NALF1: variants seen among roughly 807,000 people sequenced by gnomAD.
NALF1 encodes the protein NALCN channel auxiliary factor 1.
Under a neutral mutation model 48.4 loss-of-function variants are expected in NALF1, and 3 were observed. That is an observed-to-expected ratio of 0.06 (90% confidence interval 0.03 to 0.16). The LOEUF (loss-of-function observed/expected upper bound fraction) is 0.16. NALF1 is among the 10% of genes least tolerant of loss of function. The pLI, the probability that NALF1 is intolerant of heterozygous loss-of-function variation, is 1.00. For synonymous variants in NALF1, 262 were observed against 245.7 expected (o/e 1.07, Z -0.62); for missense variants, 526 against 571.5 (o/e 0.92, Z 0.81).
intron 1 of NALF1, among the ~76,000 whole-genome samples, chr13:107,452,293 G>C (rs1884754954): frequency 6.6e-6 from 1 of 152,136 alleles, no homozygotes; most frequent in South Asian, 2.1e-4. Context: ...AACTGCCCAA[G>C]ACTAGGTAAT....
At chr13:107,306,914 C>T (rs1234232395) in intron 1 of NALF1, among the ~76,000 whole-genome samples, 3 of 152,068 alleles carry the variant, frequency 2.0e-5, no homozygotes, top group African/African-American at 7.2e-5. Context: ...GCAGTGAGCA[C>T]ACCATTGCCC....
At chr13:107,196,737 G>C (rs1879400230) in intron 2 of NALF1, among the ~76,000 whole-genome samples, 1 of 152,138 alleles carries the variant, frequency 6.6e-6, no homozygotes, top group Non-Finnish European at 1.5e-5. Context: ...AGCAAATATG[G>C]AGGATGAACA....
In NALF1 at chr13:107,787,553, T is replaced by C. The variant is rs945009800; in HGVS notation, c.915+78129A>G. Among the ~76,000 whole-genome samples, 106 of 152,342 alleles carry C rather than the reference T, an allele frequency of 7.0e-4. 1 individual carries two copies. The highest frequency in any genetic ancestry group is 2.3e-3 in the African/African-American group (94 of 41,584). On this transcript the variant is annotated intron_variant, in intron 1 of 2. Transcript: ENST00000375915. Reference sequence around the variant, plus strand: ...GGTCACGGTAAAGCAATTAATTAGCTAATACCAATATTTCCGTGTCTTTTT... The same window carrying C: ...GGTCACGGTAAAGCAATTAATTAGCCAATACCAATATTTCCGTGTCTTTTT...
chr13:107,217,616 T>G (rs996177195), intron 1 of NALF1, among the ~76,000 whole-genome samples: 3 of 152,136 alleles, frequency 2.0e-5, no homozygotes, highest in Non-Finnish European at 4.4e-5. Flanking sequence ...AACTCTAAAG[T>G]GGAATTCGGC....
chr13:107,762,111 C>T (rs1382656367), intron 1 of NALF1, among the ~76,000 whole-genome samples: 1 of 152,022 alleles, frequency 6.6e-6, no homozygotes, highest in African/African-American at 2.4e-5. Context: ...TGAGCACTGA[C>T]CCAGTTATTC....
chr13:107,235,574 T>C (rs78557972), intron 1 of NALF1, among the ~76,000 whole-genome samples: 3,735 of 152,356 alleles, frequency 0.025, 86 homozygotes, highest in Non-Finnish European at 0.036. Context: ...GTAAGTTCTA[T>C]GCAAATAGTT....
chr13:107,174,195 C>CCT (rs1325569388), intron 2 of NALF1, among the ~76,000 whole-genome samples: 4 of 151,924 alleles, frequency 2.6e-5, no homozygotes, highest in Non-Finnish European at 5.9e-5. Flanking sequence ...TTTGTTTGTC[C>CCT]CTTGTTCTTC....
chr13:107,170,676 G>T lies in NALF1; in HGVS notation c.1198C>A (p.His400Asn). ...KGTVEKSGSC[H>N]RTSLTVSSAT... is the part of the protein sequence containing the mutation. The stretch of plus-strand genomic sequence containing the variant: ...GATGACACTGTGAGCGATGTCCTGT[G>T]ACAGGAGCCACTTTTCTCTACGGTC... Residue 400 changes from histidine (H) to asparagine (N), a missense_variant, in exon 3 of 3, where the codon CAC (histidine) becomes AAC (asparagine). Coordinates refer to ENST00000375915, the MANE Select transcript of NALF1 (RefSeq NM_001080396.3). 3 of 1,614,192 alleles carry T rather than the reference G, an allele frequency of 1.9e-6. No individual in the cohort carries two copies. Among genetic ancestry groups the T allele is most frequent in the Non-Finnish European group, 2.5e-6 (3 of 1,180,044 alleles).
intron 1 of NALF1, among the ~76,000 whole-genome samples, chr13:107,226,038 T>C (rs1032673970): frequency 7.2e-5 from 11 of 152,136 alleles, no homozygotes; most frequent in Non-Finnish European, 1.3e-4. Context: ...ATGGCTTCAA[T>C]AGTCTTTACA....
intron 1 of NALF1, among the ~76,000 whole-genome samples, chr13:107,693,652 C>A (rs1238760112): frequency 6.6e-6 from 1 of 150,960 alleles, no homozygotes; most frequent in African/African-American, 2.4e-5. Context: ...ATTCATTGCA[C>A]CTAGTTCATT....
intron 1 of NALF1, among the ~76,000 whole-genome samples, chr13:107,719,740 A>G (rs1292291956): frequency 6.6e-6 from 1 of 151,944 alleles, no homozygotes; most frequent in Non-Finnish European, 1.5e-5. Flanking sequence ...TCAAAGTCAT[A>G]TTCTACTCTT....
intron 1 of NALF1, among the ~76,000 whole-genome samples, chr13:107,405,032 C>T (rs1883875505): frequency 6.6e-6 from 1 of 152,102 alleles, no homozygotes; most frequent in East Asian, 1.9e-4. Context: ...TACAATTATC[C>T]TTTCAAACCT....
At chr13:107,204,915 T>C (rs1879603233) in intron 2 of NALF1, among the ~76,000 whole-genome samples, 1 of 151,834 alleles carries the variant, frequency 6.6e-6, no homozygotes, top group Non-Finnish European at 1.5e-5. Context: ...GGAAAATAAA[T>C]AAATTGAAAC....
chr13:107,820,496 G>C (rs139103387), intron 1 of NALF1, among the ~76,000 whole-genome samples: 1 of 152,162 alleles, frequency 6.6e-6, no homozygotes, highest in Non-Finnish European at 1.5e-5. Context: ...GCTACCGGCA[G>C]CTCCTAATCT....
intron 1 of NALF1, among the ~76,000 whole-genome samples, chr13:107,625,014 C>T (rs1225121802): frequency 6.6e-6 from 1 of 152,192 alleles, no homozygotes; most frequent in Non-Finnish European, 1.5e-5. Context: ...TTTCAGCACA[C>T]ATTCATCTAA....
At chr13:107,579,871 T>C (rs371869857) in intron 1 of NALF1, among the ~76,000 whole-genome samples, 54 of 152,094 alleles carry the variant, frequency 3.6e-4, no homozygotes, top group South Asian at 2.5e-3. Flanking sequence ...AGTTCAACCA[T>C]TGTGGAAGTC....
chr13:107,785,142 G>GTA lies in NALF1; in HGVS notation c.915+80538_915+80539dup, dbSNP rs561431056. 5.9e-5 allele frequency among the ~76,000 whole-genome samples: 9 copies of GTA among 151,430 alleles called. No individual in the cohort carries two copies. The East Asian group carries it at 9.7e-4, about 16-fold the overall frequency. ...TATATATATTCATATATATGTGTGT[G>GTA]TATATATATATGGTTTTGTAAGTAA... On this transcript the variant is annotated intron_variant, in intron 1 of 2. Coordinates refer to ENST00000375915, the MANE Select transcript of NALF1 (RefSeq NM_001080396.3).
chr13:107,682,147 A>C (rs1881320435), intron 1 of NALF1, among the ~76,000 whole-genome samples: 1 of 152,152 alleles, frequency 6.6e-6, no homozygotes. Flanking sequence ...GGTCGTGCAA[A>C]CTTCTCTTCA....
chr13:107,411,725 C>G (rs1883995162), intron 1 of NALF1, among the ~76,000 whole-genome samples: 1 of 152,162 alleles, frequency 6.6e-6, no homozygotes. Flanking sequence ...CCAACCCACT[C>G]CCCTGCAACG....
Sources: allele counts gnomAD v4.1 joint callset (sites outside exome capture counted in the v4.1 genomes callset), GRCh38; gene constraint gnomAD v4.1.1; transcripts MANE v1.5; gene names NCBI Gene and HGNC (gene_info 2026-07-23, HGNC 2026-07-21).